The following TMEM123 variants were observed in gnomAD, a reference collection of about 807,000 sequenced individuals.
The protein encoded by TMEM123 is porimin.
Under a neutral mutation model 19.7 loss-of-function variants are expected in TMEM123, and 16 were observed. That is an observed-to-expected ratio of 0.81 (90% CI 0.55 to 1.23). The LOEUF (loss-of-function observed/expected upper bound fraction) is 1.23, where lower values mean the gene tolerates loss of function less well. Ranked by LOEUF, TMEM123 falls within the 50% of genes most tolerant of loss-of-function variation. TMEM123 has a pLI of 0.00. For synonymous variants in TMEM123, 118 were observed against 99.4 expected (o/e 1.19, Z -1.12); for missense variants, 313 against 257.8 (o/e 1.21, Z -1.47).
rs539170109 is a variant in TMEM123 at position 102,402,812 on chromosome 11, T to C, written c.158-606A>G. 3.9e-5 allele frequency among the ~76,000 whole-genome samples: 6 copies of C among 152,342 alleles called. No homozygotes were observed. In the South Asian group the frequency reaches 1.2e-3, roughly 32 times the overall value. Reference sequence around the variant, plus strand: ...TCATACTGGTAATAATAATTTCCCATAGTTGGAAGGACAGTTCTAAAACTA... The same window carrying C: ...TCATACTGGTAATAATAATTTCCCACAGTTGGAAGGACAGTTCTAAAACTA... On this transcript the variant is annotated intron_variant, in intron 2 of 4. Coordinates refer to ENST00000398136, the MANE Select transcript of TMEM123 (RefSeq NM_052932.3).
chr11:102,417,202 A>C (rs1188705498), intron 2 of TMEM123, among the ~76,000 whole-genome samples: 2 of 152,182 alleles, frequency 1.3e-5, no homozygotes, highest in African/African-American at 4.8e-5. Context: ...AACCAAGAGA[A>C]AGTCAAACTC....
intron 2 of TMEM123, among the ~76,000 whole-genome samples, chr11:102,423,029 T>G (rs1952099437): frequency 6.6e-6 from 1 of 152,184 alleles, no homozygotes; most frequent in East Asian, 1.9e-4. Flanking sequence ...ACAATCCCAC[T>G]TCTAAGAATC....
chr11:102,398,293 TTC>T lies in TMEM123; in HGVS notation c.*572_*573del, dbSNP rs773936071. The T allele has an allele frequency of 3.7e-5, 11 of 299,912 alleles. No individual in the cohort carries two copies. The highest frequency in any genetic ancestry group is 6.1e-5 in the Non-Finnish European group (10 of 165,124). The allele number at this position is 299,912 out of a possible 1,614,324, so 18.6% of individuals were successfully genotyped here. On this transcript the variant is annotated 3_prime_UTR_variant, in exon 5 of 5. Coordinates refer to ENST00000398136, the MANE Select transcript of TMEM123 (RefSeq NM_052932.3). The stretch of plus-strand genomic sequence containing the variant: ...TTATTTTGGGTTTTATTTGAAAATT[TTC>T]TTTTTCTTGGAGTATTTTGTTTCTA...
intron 2 of TMEM123, among the ~76,000 whole-genome samples, chr11:102,430,418 T>C (rs1255902621): frequency 6.6e-6 from 1 of 152,186 alleles, no homozygotes; most frequent in Non-Finnish European, 1.5e-5. Flanking sequence ...AGCATCACAT[T>C]ACATTACTAT....
Position 102,401,659 on chromosome 11 carries a change from C to T in TMEM123, c.482G>A (p.Gly161Glu), listed in dbSNP as rs1951914260. ...TTTMHSEAKK[G>E]SKFDTGSFVG... ...AAAGCTCCCAGTATCAAATTTTGAT[C>T]CTTTCTTTGCTTCAGAATGCATAGT... The change falls in exon 4 of 5, where the codon GGA (glycine) becomes GAA (glutamate). Residue 161 changes from glycine to glutamate, a missense_variant. Coordinates refer to ENST00000398136, the MANE Select transcript of TMEM123 (RefSeq NM_052932.3). The T allele has an allele frequency of 4.4e-6, 7 of 1,605,308 alleles. No homozygotes were observed. The highest frequency in any genetic ancestry group is 5.9e-6 in the Non-Finnish European group (7 of 1,177,996).
chr11:102,445,481 T>C (rs1390970836), intron 2 of TMEM123, among the ~76,000 whole-genome samples: 1 of 152,208 alleles, frequency 6.6e-6, no homozygotes, highest in South Asian at 2.1e-4. Context: ...TTGACTGACT[T>C]ACAAACTCAC....
Position 102,445,797 on chromosome 11 carries a change from A to G in TMEM123, c.157+3015T>C, listed in dbSNP as rs573079447. 5.3e-5 allele frequency among the ~76,000 whole-genome samples: 8 copies of G among 152,336 alleles called. No homozygotes were observed. In the East Asian group the frequency reaches 1.5e-3, roughly 29 times the overall value. On this transcript the variant is annotated intron_variant, in intron 2 of 4. Coordinates refer to ENST00000398136, the MANE Select transcript of TMEM123 (RefSeq NM_052932.3). The stretch of plus-strand genomic sequence containing the variant: ...AGGAAAAGGTACCTAATAGTGTAAT[A>G]AAACATTTTTAAAATAAGACCCTCT...
chr11:102,452,598 C>G lies in TMEM123; in HGVS notation c.26G>C (p.Trp9Ser). The change falls in exon 1 of 5, where the codon TGG becomes TCG. Residue 9 changes from tryptophan (W) to serine (S), a missense_variant. Coordinates refer to ENST00000398136, the MANE Select transcript of TMEM123 (RefSeq NM_052932.3). MGLGARGA[W>S]AALLLGTLQV... ...CAGCGTCCCCAGGAGCAGCGCGGCC[C>G]AAGCACCTCGCGCGCCGAGTCCCAT... 6.4e-7 allele frequency: 1 copy of G among 1,562,464 alleles called. No individual in the cohort carries two copies. Among genetic ancestry groups the G allele is most frequent in the East Asian group, 2.4e-5 (1 of 41,866 alleles).
At chr11:102,409,742 C>T (rs950806055) in intron 2 of TMEM123, among the ~76,000 whole-genome samples, 7 of 151,770 alleles carry the variant, frequency 4.6e-5, no homozygotes, top group East Asian at 1.9e-4. Context: ...GGCATGGTGG[C>T]GGGCGTCTGT....
In TMEM123 at chr11:102,404,278, ATATT is replaced by A. The variant is rs372492828; in HGVS notation, c.158-2076_158-2073del. 5.3e-5 allele frequency among the ~76,000 whole-genome samples: 8 copies of A among 152,078 alleles called. No individual in the cohort carries two copies. The South Asian group carries it at 6.2e-4, about 12-fold the overall frequency. On this transcript the variant is annotated intron_variant, in intron 2 of 4. Transcript: ENST00000398136. The stretch of plus-strand genomic sequence containing the variant: ...TTATTCTTGAAAGACAGACAGATTG[ATATT>A]TATTTATTTATTTAACTTAGAGACA...
intron 2 of TMEM123, among the ~76,000 whole-genome samples, chr11:102,437,160 T>C (rs767348278): frequency 2.4e-4 from 36 of 152,294 alleles, no homozygotes; most frequent in Non-Finnish European, 4.9e-4. Flanking sequence ...TCCCTCACTG[T>C]TTATCTCTTC....
intron 2 of TMEM123, among the ~76,000 whole-genome samples, chr11:102,427,782 G>A (rs1482345730): frequency 6.7e-6 from 1 of 150,166 alleles, no homozygotes; most frequent in Non-Finnish European, 1.5e-5. Flanking sequence ...AGGTTGCAGT[G>A]AGCCGAGATC....
intron 2 of TMEM123, among the ~76,000 whole-genome samples, chr11:102,425,128 CAGAA>C (rs1298485532): frequency 1.3e-5 from 2 of 152,186 alleles, no homozygotes; most frequent in Non-Finnish European, 2.9e-5. Flanking sequence ...CCAGGAATAT[CAGAA>C]AGAAACAGAG....
At chr11:102,433,080 T>C (rs1034686202) in intron 2 of TMEM123, among the ~76,000 whole-genome samples, 4 of 151,932 alleles carry the variant, frequency 2.6e-5, no homozygotes, top group Admixed American at 1.3e-4. Context: ...AGAAGGGAAA[T>C]GTGGGGCTGG....
intron 2 of TMEM123, among the ~76,000 whole-genome samples, chr11:102,412,665 TA>T (rs571897814): frequency 1.3e-5 from 2 of 152,246 alleles, no homozygotes; most frequent in South Asian, 4.1e-4. Context: ...AGAAATTTTT[TA>T]AAAAGAAAAG....
intron 2 of TMEM123, among the ~76,000 whole-genome samples, chr11:102,428,351 G>A (rs1565352692): frequency 1.3e-5 from 2 of 151,830 alleles, no homozygotes; most frequent in South Asian, 2.1e-4. Flanking sequence ...ACCCAGGCTG[G>A]AGTACAGTGG....
intron 2 of TMEM123, among the ~76,000 whole-genome samples, chr11:102,428,721 G>A (rs1952149969): frequency 6.6e-6 from 1 of 152,032 alleles, no homozygotes; most frequent in Non-Finnish European, 1.5e-5. Flanking sequence ...AACTGAAAAA[G>A]ATATTCTGAG....
chr11:102,416,135 A>C (rs1487970337), intron 2 of TMEM123, among the ~76,000 whole-genome samples: 1 of 152,112 alleles, frequency 6.6e-6, no homozygotes, highest in Non-Finnish European at 1.5e-5. Context: ...GGCTGGTGTC[A>C]AACTCCCGAC....
At chr11:102,442,874 A>G (rs1458247244) in intron 2 of TMEM123, among the ~76,000 whole-genome samples, 1 of 152,226 alleles carries the variant, frequency 6.6e-6, no homozygotes, top group Non-Finnish European at 1.5e-5. Flanking sequence ...CAATGTGCAA[A>G]AATCACAAGC....
Sources: allele counts gnomAD v4.1 joint callset (sites outside exome capture counted in the v4.1 genomes callset), GRCh38; gene constraint gnomAD v4.1.1; transcripts MANE v1.5; gene names NCBI Gene and HGNC (gene_info 2026-07-23, HGNC 2026-07-21).